Variants in NCAPH observed in about 807,000 individuals in gnomAD.
NCAPH encodes condensin complex subunit 2.
A neutral mutation model predicts 85.5 loss-of-function variants in NCAPH; 38 were observed. The observed-to-expected ratio is 0.44, with a 90% CI of 0.34 to 0.58. The LOEUF (loss-of-function observed/expected upper bound fraction) is 0.58, where lower values mean the gene tolerates loss of function less well. NCAPH is among the 20% of genes least tolerant of loss of function. NCAPH has a pLI of 0.01. For missense variants in NCAPH, 789 were observed against 916.6 expected (o/e 0.86, Z 1.80); for synonymous variants, 301 against 335.1 (o/e 0.90, Z 1.11).
In NCAPH at chr2:96,375,544, C is replaced by G. The variant is rs1457902367; in HGVS notation, c.*2193C>G. On this transcript the variant is annotated 3_prime_UTR_variant, in exon 18 of 18. Coordinates refer to ENST00000240423, the MANE Select transcript of NCAPH (RefSeq NM_015341.5). ...GAGCAAGGAGCCCCTCACCAGACAGCAAATCTGCCGGCGTCTTGATCTTGG... is the reference window on the plus strand; with the variant it reads ...GAGCAAGGAGCCCCTCACCAGACAGGAAATCTGCCGGCGTCTTGATCTTGG... Among the ~76,000 whole-genome samples, 1 of 152,194 alleles carries G rather than the reference C, an allele frequency of 6.6e-6. No homozygotes were observed. Among genetic ancestry groups the G allele is most frequent in the African/African-American group, 2.4e-5 (1 of 41,436 alleles).
intron 5 of NCAPH, 31 bp downstream of exon 5, chr2:96,343,335 C>G: frequency 1.9e-6 from 3 of 1,597,556 alleles, no homozygotes; most frequent in Non-Finnish European, 2.6e-6. Flanking sequence ...ATTTAAGTGG[C>G]TCTTTTTAGG....
At chr2:96,348,775 C>G (rs2104441887) in intron 6 of NCAPH, among the ~76,000 whole-genome samples, 1 of 152,128 alleles carries the variant, frequency 6.6e-6, no homozygotes, top group Middle Eastern at 3.4e-3. Context: ...CGTGCCTCAG[C>G]CTCCCATGTA....
Position 96,360,167 on chromosome 2 carries a change from A to G in NCAPH, c.1382A>G (p.Asn461Ser), listed in dbSNP as rs2064584724. 1.3e-6 allele frequency: 2 copies of G among 1,590,272 alleles called. No individual in the cohort carries two copies. Among genetic ancestry groups the G allele is most frequent in the East Asian group, 2.2e-5 (1 of 44,698 alleles). The change falls in exon 11 of 18, where the codon AAC (asparagine) becomes AGC (serine). Residue 461 changes from asparagine (N) to serine (S), a missense_variant. Transcript: ENST00000240423. ...RKQDAPSQSE[N>S]KKKSTKKDFE... ...GAAGATGCTCCTTCCCAATCAGAAA[A>G]CAAAAAGAAGAGTACAAAAAAAGAT...
intron 5 of NCAPH, 118 bp from the exon 6 acceptor site, chr2:96,343,987 C>T: frequency 7.6e-7 from 1 of 1,316,086 alleles, no homozygotes; most frequent in Non-Finnish European, 1.0e-6. Flanking sequence ...CAGGCATGAG[C>T]CACCACACCT....
chr2:96,375,921 G>A lies in NCAPH; in HGVS notation c.*2570G>A, dbSNP rs1005970227. 2.0e-5 allele frequency among the ~76,000 whole-genome samples: 3 copies of A among 152,080 alleles called. No individual in the cohort carries two copies. The highest frequency in any genetic ancestry group is 2.9e-5 in the Non-Finnish European group (2 of 68,004). On this transcript the variant is annotated 3_prime_UTR_variant, in exon 18 of 18. Transcript: ENST00000240423. ...CGATATGAATATTTGCCACCTCAGG[G>A]TGCCACAAAGGTCCCCACCAGCAAG...
rs774025245 is a variant in NCAPH, at chr2:96,366,063, G to A, written c.1881+5G>A. Reference sequence around the variant, plus strand: ...TTGGTAGCTGAGCCTCAGAAGGTACGGATGAAACAGCTGAGAATTACATTG... The same window carrying A: ...TTGGTAGCTGAGCCTCAGAAGGTACAGATGAAACAGCTGAGAATTACATTG... On this transcript the variant is annotated splice_donor_5th_base_variant and intron_variant, in intron 14 of 17. Coordinates refer to ENST00000240423, the MANE Select transcript of NCAPH (RefSeq NM_015341.5). 41 of 1,613,458 alleles carry A rather than the reference G, an allele frequency of 2.5e-5. No homozygotes were observed. The highest frequency in any genetic ancestry group is 2.2e-4 in the Admixed American group (13 of 59,982).
At position 96,376,700 on chromosome 2, in the gene NCAPH, C is replaced by T. The variant is rs1485608735; in HGVS notation, c.*3349C>T. Among the ~76,000 whole-genome samples, 1 of 152,126 alleles carries T rather than the reference C, an allele frequency of 6.6e-6. No individual in the cohort carries two copies. Among genetic ancestry groups the T allele is most frequent in the African/African-American group, 2.4e-5 (1 of 41,418 alleles). On this transcript the variant is annotated 3_prime_UTR_variant, in exon 18 of 18. Coordinates refer to ENST00000240423, the MANE Select transcript of NCAPH (RefSeq NM_015341.5). ...GGTGTCCTGGAGCAAGGAAAGGAAC[C>T]GTTCATGGTGGCTGAAGCCAAGCTG...
chr2:96,339,037 TC>T (rs894657598), intron 1 of NCAPH, among the ~76,000 whole-genome samples: 3 of 152,176 alleles, frequency 2.0e-5, no homozygotes, highest in Non-Finnish European at 4.4e-5. Context: ...GGTCTGGATC[TC>T]CTGACCTCAT....
chr2:96,342,171 G>A (rs1237224369), intron 3 of NCAPH, 31 bp downstream of exon 3: 11 of 1,511,854 alleles, frequency 7.3e-6, no homozygotes, highest in Non-Finnish European at 9.2e-6. Context: ...TATTGAAGAC[G>A]TAATCCCTTG....
intron 1 of NCAPH, among the ~76,000 whole-genome samples, chr2:96,337,639 C>T (rs1385834188): frequency 6.6e-5 from 10 of 152,244 alleles, no homozygotes; most frequent in Middle Eastern, 3.4e-3. Context: ...AGGGTGGTCT[C>T]GATCTCCTGA....
At chr2:96,342,402 T>C (rs1238048529) in intron 3 of NCAPH, among the ~76,000 whole-genome samples, 1 of 152,210 alleles carries the variant, frequency 6.6e-6, no homozygotes, top group Admixed American at 6.5e-5. Context: ...GGAGGCTACA[T>C]GCTTCTAAGC....
chr2:96,339,488 A>T (rs2064261975), intron 1 of NCAPH, among the ~76,000 whole-genome samples: 1 of 150,774 alleles, frequency 6.6e-6, no homozygotes, highest in South Asian at 2.1e-4. Flanking sequence ...GCTACTCAGG[A>T]GGCTGAGGCA....
At chr2:96,353,733 C>T (rs1312367781) in intron 8 of NCAPH, among the ~76,000 whole-genome samples, 1 of 152,144 alleles carries the variant, frequency 6.6e-6, no homozygotes, top group East Asian at 1.9e-4. Context: ...TCTTAGGCTG[C>T]CGTCAAGCTT....
intron 4 of NCAPH, 28 bp downstream of exon 4, chr2:96,342,876 A>G (rs780724402): frequency 6.4e-7 from 1 of 1,559,874 alleles, no homozygotes; most frequent in Non-Finnish European, 8.8e-7. Flanking sequence ...TTTCTCTTGC[A>G]TCTGAATTAA....
rs752047791 is a variant in NCAPH at position 96,354,389 on chromosome 2, G to A, written c.1208+1G>A. On this transcript the variant is annotated splice_donor_variant, in intron 9 of 17. Coordinates refer to ENST00000240423, the MANE Select transcript of NCAPH (RefSeq NM_015341.5). LOFTEE classifies it high-confidence loss of function. ...AGCCCTGCCAGGTTCAGAGCTGCCA[G>A]TAAGGCTCTCAGAGTCCGAAAGTGT... 3 of 1,573,038 alleles carry A rather than the reference G, an allele frequency of 1.9e-6. No individual in the cohort carries two copies. The highest frequency in any genetic ancestry group is 2.6e-6 in the Non-Finnish European group (3 of 1,157,380).
chr2:96,365,850 A>C, intron 13 of NCAPH, 26 bp from the exon 14 acceptor site: 1 of 1,613,866 alleles, frequency 6.2e-7, no homozygotes, highest in Non-Finnish European at 8.5e-7. Context: ...GCGTCCACCA[A>C]ACTCGAAGAG....
chr2:96,354,252 G>C lies in NCAPH; in HGVS notation c.1072G>C (p.Glu358Gln). Residue 358 changes from glutamate (E) to glutamine (Q), a missense_variant, in exon 9 of 18, where the codon GAG becomes CAG. By Grantham distance (29) the Glu-to-Gln change is conservative. Transcript: ENST00000240423. The part of the protein sequence containing the change: ...QVFDINAEVD[E>Q]SDCGDFPDGS... ...ATTTGACATCAATGCTGAAGTTGACGAGAGTGACTGTGGAGACTTCCCCGA... is the reference window on the plus strand; with the variant it reads ...ATTTGACATCAATGCTGAAGTTGACCAGAGTGACTGTGGAGACTTCCCCGA... 5.6e-6 allele frequency: 9 copies of C among 1,614,064 alleles called. No individual in the cohort carries two copies. Among genetic ancestry groups the C allele is most frequent in the Non-Finnish European group, 7.6e-6 (9 of 1,180,016 alleles).
At chr2:96,364,970 CA>C (rs2064674911) in intron 13 of NCAPH, among the ~76,000 whole-genome samples, 1 of 152,206 alleles carries the variant, frequency 6.6e-6, no homozygotes, top group African/African-American at 2.4e-5. Flanking sequence ...AACCAGATCA[CA>C]CCATATGTGA....
In NCAPH at chr2:96,374,494, A is replaced by G. The variant is rs1288568324; in HGVS notation, c.*1143A>G. On this transcript the variant is annotated 3_prime_UTR_variant, in exon 18 of 18. Transcript: ENST00000240423. ...CTGGATCTCTGCCAGAACACCCGTC[A>G]TCATTGACTGGCTAAATAGAGATCT... is the stretch of plus-strand genomic sequence containing the variant. 6.6e-6 allele frequency among the ~76,000 whole-genome samples: 1 copy of G among 152,252 alleles called. No homozygotes were observed. Among genetic ancestry groups the G allele is most frequent in the African/African-American group, 2.4e-5 (1 of 41,462 alleles).
Sources: allele counts gnomAD v4.1 joint callset (sites outside exome capture counted in the v4.1 genomes callset), GRCh38; gene constraint gnomAD v4.1.1; transcripts MANE v1.5; gene names NCBI Gene and HGNC (gene_info 2026-07-23, HGNC 2026-07-21).